The following RTTN variants were observed in gnomAD, a reference collection of about 807,000 sequenced individuals.
RTTN encodes rotatin.
In RTTN, 182 loss-of-function variants were observed where a neutral mutation model predicts 269.2. The ratio of observed to expected loss-of-function variants is 0.68; its 90% confidence interval spans 0.60 to 0.76. The LOEUF (loss-of-function observed/expected upper bound fraction) is 0.76. RTTN is among the 30% of genes least tolerant of loss of function. The pLI is 0.00. For synonymous variants in RTTN, 1,006 were observed against 963.5 expected, an observed-to-expected ratio of 1.04 and a Z score of -0.82; for missense variants, 2,545 against 2,608.6, an observed-to-expected ratio of 0.98 and a Z score of 0.53.
At chr18:70,199,815 G>T (rs1267671077) in intron 4 of RTTN, among the ~76,000 whole-genome samples, 1 of 152,194 alleles carries the variant, frequency 6.6e-6, no homozygotes, top group Non-Finnish European at 1.5e-5. Context: ...CCCTGTGGCT[G>T]ACCAGAACAT....
chr18:70,032,107 G>C (rs550340164), intron 40 of RTTN, among the ~76,000 whole-genome samples: 1 of 152,160 alleles, frequency 6.6e-6, no homozygotes, highest in South Asian at 2.1e-4. Context: ...AGCGGAGCAT[G>C]GCCAAGGATG....
chr18:70,110,899 G>A (rs1055495904), intron 27 of RTTN, among the ~76,000 whole-genome samples: 5 of 152,222 alleles, frequency 3.3e-5, no homozygotes, highest in African/African-American at 9.6e-5. Flanking sequence ...CGCCATTGCC[G>A]AGGCTTGAGT....
rs2060511483 is a variant in RTTN, at chr18:70,150,602, T to G, written c.2055+6A>C. The G allele has an allele frequency of 6.2e-7, 1 of 1,611,352 alleles. No homozygotes were observed. The highest frequency in any genetic ancestry group is 8.5e-7 in the Non-Finnish European group (1 of 1,178,052). On this transcript the variant is annotated splice_donor_region_variant and intron_variant, in intron 15 of 48. Coordinates refer to ENST00000640769, the MANE Select transcript of RTTN (RefSeq NM_173630.4). ...GTAATATTTTCACTCATGTTTAATG[T>G]CATACCTCACTTTCGGGCTCTTGAA... is the stretch of plus-strand genomic sequence containing the variant.
intron 39 of RTTN, 92 bp from the exon 40 acceptor site, chr18:70,048,280 G>A: frequency 8.6e-7 from 1 of 1,164,636 alleles, no homozygotes; most frequent in Non-Finnish European, 1.2e-6. Context: ...ACTATACTCT[G>A]GATCATCTAG....
chr18:70,048,235 T>A (rs1223185326), intron 39 of RTTN, 47 bp from the exon 40 acceptor site: 2 of 1,530,494 alleles, frequency 1.3e-6, no homozygotes, highest in Admixed American at 1.7e-5. Flanking sequence ...TTCTTCAAAA[T>A]TCAACAAAAA....
chr18:70,006,422 C>T lies in RTTN; in HGVS notation c.6484G>A (p.Gly2162Arg). Residue 2162 changes from glycine (G) to arginine (R), a missense_variant, in exon 47 of 49, where the codon GGA becomes AGA. Physicochemically the swap from Gly to Arg is moderately radical, Grantham distance 125 (BLOSUM62 -2). Transcript: ENST00000640769. ...ATCAGAGCCCAAAGGGCAGCTGCTC[C>T]AATCCTCTGAGCATTTTGATTCTCA... ...ESENQNAQRI[G>R]AAALWALIYN... The T allele has an allele frequency of 6.2e-7, 1 of 1,614,006 alleles. No homozygotes were observed. Among genetic ancestry groups the T allele is most frequent in the East Asian group, 2.2e-5 (1 of 44,860 alleles).
At chr18:70,030,370 C>G (rs373051208) in intron 41 of RTTN, among the ~76,000 whole-genome samples, 4 of 152,120 alleles carry the variant, frequency 2.6e-5, no homozygotes, top group Admixed American at 6.5e-5. Flanking sequence ...TTGTTGTAGT[C>G]GCAAATCACA....
intron 25 of RTTN, among the ~76,000 whole-genome samples, chr18:70,125,035 A>G (rs971487297): frequency 1.3e-5 from 2 of 152,112 alleles, no homozygotes; most frequent in Non-Finnish European, 2.9e-5. Context: ...CCAAAATGAT[A>G]TTAGATTATA....
intron 5 of RTTN, among the ~76,000 whole-genome samples, chr18:70,198,626 C>T (rs283251): frequency 0.96 from 145,824 of 152,220 alleles, 70,182 homozygotes; most frequent in East Asian, 1. Context: ...CTCTCTAAAT[C>T]TCTATATATC....
chr18:70,004,036 AACACTTTG>A lies in RTTN; in HGVS notation c.*107_*114del. The stretch of plus-strand genomic sequence containing the variant: ...CTCTCTCATGGGAAAGAAGGGGATC[AACACTTTG>A]TAGAGAGGTAGCACGTCTTCAGGTA... On this transcript the variant is annotated 3_prime_UTR_variant, in exon 49 of 49. Coordinates refer to ENST00000640769, the MANE Select transcript of RTTN (RefSeq NM_173630.4). 2.8e-6 allele frequency: 2 copies of A among 713,394 alleles called. No homozygotes were observed. Among genetic ancestry groups the A allele is most frequent in the Non-Finnish European group, 4.9e-6 (2 of 408,394 alleles). The allele number at this position is 713,394 out of a possible 1,614,324, so 44.2% of individuals were successfully genotyped here. A position where few individuals can be genotyped will look rare whatever the true frequency, so the allele number is the denominator to read the frequency against.
intron 19 of RTTN, 35 bp from the exon 20 acceptor site, chr18:70,140,223 C>G: frequency 1.6e-6 from 2 of 1,255,358 alleles, no homozygotes. Context: ...AGTTAAAGCA[C>G]ATTTTTTGTA....
chr18:70,110,687 G>A (rs533752012), intron 27 of RTTN, among the ~76,000 whole-genome samples: 16 of 152,232 alleles, frequency 1.1e-4, no homozygotes, highest in East Asian at 9.7e-4. Context: ...CCCCAGTGGC[G>A]CCTGGAACAG....
intron 14 of RTTN, among the ~76,000 whole-genome samples, chr18:70,158,186 A>C (rs1213218074): frequency 1.3e-5 from 2 of 152,166 alleles, no homozygotes; most frequent in Non-Finnish European, 2.9e-5. Context: ...AAAAATCTTA[A>C]AAGGAAGCTA....
rs770240687 is a variant in RTTN at position 70,047,891 on chromosome 18, A to G, written c.5541+80T>C. The G allele has an allele frequency of 6.9e-5, 73 of 1,060,764 alleles. No homozygotes were observed. The East Asian group carries it at 1.7e-3, about 25-fold the overall frequency. 65.7% of individuals were successfully genotyped at this position (1,060,764 alleles called of 1,614,324 possible). A position where few individuals can be genotyped will look rare whatever the true frequency, so the allele number is the denominator to read the frequency against. ...ATTTCTTAATTTAAATGACTGAGACAGTTTTTAACAAGACCATGACTGAAA... is the reference window on the plus strand; with the variant it reads ...ATTTCTTAATTTAAATGACTGAGACGGTTTTTAACAAGACCATGACTGAAA... On this transcript the variant is annotated intron_variant, in intron 40 of 48. Coordinates refer to ENST00000640769, the MANE Select transcript of RTTN (RefSeq NM_173630.4).
chr18:70,205,595 G>A (rs1314446439), intron 1 of RTTN, 33 bp downstream of exon 1: 62 of 1,613,594 alleles, frequency 3.8e-5, no homozygotes, highest in Admixed American at 5.0e-5. Flanking sequence ...GAGCGCGGGG[G>A]GTGCCTTGGG....
At chr18:70,012,548 G>GC (rs926101961) in intron 46 of RTTN, among the ~76,000 whole-genome samples, 6 of 151,254 alleles carry the variant, frequency 4.0e-5, no homozygotes, top group African/African-American at 1.5e-4. Flanking sequence ...TTAGATAGAG[G>GC]GCAGCGTCTG....
intron 35 of RTTN, chr18:70,061,544 A>G: frequency 2.9e-6 from 1 of 341,530 alleles, no homozygotes; most frequent in East Asian, 9.0e-5. Context: ...ACATAAACAT[A>G]TTTTATCTAC....
chr18:70,114,488 G>A lies in RTTN; in HGVS notation c.3640C>T (p.Leu1214Phe), dbSNP rs765565449. 3 of 1,613,352 alleles carry A rather than the reference G, an allele frequency of 1.9e-6. No individual in the cohort carries two copies. The highest frequency in any genetic ancestry group is 4.5e-5 in the East Asian group (2 of 44,828). The change falls in exon 27 of 49, where the codon CTT becomes TTT. Residue 1214 changes from leucine (L) to phenylalanine (F), a missense_variant. By Grantham distance (22) the Leu-to-Phe change is conservative (BLOSUM62 0). Transcript: ENST00000640769. ...RQQLQKELIA[L>F]FDTLLLNFME... ...AAATTGAGCAGCAAGGTATCAAAAA[G>A]AGCAATCAGTTCTTTCTGAAGTTGT... is the stretch of plus-strand genomic sequence containing the variant.
chr18:70,176,783 A>G lies in RTTN; in HGVS notation c.1368T>C (p.Ser456=). 4.3e-6 allele frequency: 7 copies of G among 1,614,098 alleles called. No homozygotes were observed. The highest frequency in any genetic ancestry group is 5.9e-6 in the Non-Finnish European group (7 of 1,179,978). Residue 456 remains serine (S), a synonymous_variant, in exon 11 of 49, where the codon AGT becomes AGC. Coordinates refer to ENST00000640769, the MANE Select transcript of RTTN (RefSeq NM_173630.4). ...TCACCTCTGGCTGCTCCAAACTGATACTACTTTTATGGTAGCACATGGTTT... is the reference window on the plus strand; with the variant it reads ...TCACCTCTGGCTGCTCCAAACTGATGCTACTTTTATGGTAGCACATGGTTT... The part of the protein sequence containing the change: ...LGETMCYHKS[S]ISLEQPEVML...
Sources: gnomAD v4.1 joint callset for allele counts (sites outside exome capture counted in the v4.1 genomes callset) on GRCh38, gnomAD v4.1.1 for gene constraint, MANE v1.5 for transcripts, NCBI Gene and HGNC (gene_info 2026-07-23, HGNC 2026-07-21) for gene names.